PSMD1: variants seen among roughly 807,000 people sequenced by gnomAD.
PSMD1 encodes the protein 26S proteasome non-ATPase regulatory subunit 1.
PSMD1 carries 18 observed loss-of-function variants against 119.0 expected under a neutral mutation model. The observed-to-expected ratio is 0.15, with a 90% CI of 0.10 to 0.22. The LOEUF is 0.22. Among genes scored for constraint, PSMD1 ranks in the 10% least tolerant of loss-of-function variants. The pLI is 1.00. For synonymous variants in PSMD1, 374 were observed against 396.6 expected (o/e 0.94, Z 0.68); for missense variants, 702 against 1,158.5 (o/e 0.61, Z 5.72).
At chr2:231,073,141 GA>G (rs1338017419) in intron 7 of PSMD1, among the ~76,000 whole-genome samples, 2 of 152,150 alleles carry the variant, frequency 1.3e-5, no homozygotes, top group East Asian at 3.8e-4. Context: ...GGAGCAGTCA[GA>G]ACACACACAT....
rs566649634 is a variant in PSMD1 at position 231,085,021 on chromosome 2, C to T, written c.1725C>T (p.Asp575=). ...ALIESLCRDK[D]PILRRSGMYT... ...TAATGTTAAATTATTTTTCTTAGGA[C>T]CCAATTCTTCGAAGGTCTGGAATGT... Residue 575 remains aspartate, a splice_region_variant and synonymous_variant, in exon 15 of 25, where the codon GAC becomes GAT. Coordinates refer to ENST00000308696, the MANE Select transcript of PSMD1 (RefSeq NM_002807.4). 12 of 1,611,708 alleles carry T rather than the reference C, an allele frequency of 7.4e-6. No individual in the cohort carries two copies. Among genetic ancestry groups the T allele is most frequent in the African/African-American group, 5.3e-5 (4 of 74,980 alleles).
At chr2:231,137,063 AT>A (rs1049195796) in intron 16 of PSMD1, among the ~76,000 whole-genome samples, 22 of 144,808 alleles carry the variant, frequency 1.5e-4, no homozygotes, top group Admixed American at 4.2e-4. Context: ...AAATATATAT[AT>A]TTTTATGTAT....
intron 16 of PSMD1, among the ~76,000 whole-genome samples, chr2:231,114,607 A>G (rs1367845192): frequency 6.6e-6 from 1 of 152,228 alleles, no homozygotes; most frequent in Admixed American, 6.5e-5. Flanking sequence ...ATTAGTACAG[A>G]CTTTTGATTT....
chr2:231,095,260 C>G lies in PSMD1; in HGVS notation c.1883+8079C>G, dbSNP rs963638361. 2.0e-5 allele frequency among the ~76,000 whole-genome samples: 3 copies of G among 152,094 alleles called. 1 individual carries two copies. The highest frequency in any genetic ancestry group is 1.5e-5 in the Non-Finnish European group (1 of 68,026). ...ATCAGTAGTCATGCCCAAGGTGGGA[C>G]GAAGCCAATTAATATTGCCCAATAA... is the stretch of plus-strand genomic sequence containing the variant. On this transcript the variant is annotated intron_variant, in intron 16 of 24. Coordinates refer to ENST00000308696, the MANE Select transcript of PSMD1 (RefSeq NM_002807.4).
At position 231,138,910 on chromosome 2, in the gene PSMD1, G is replaced by T. The variant is rs77773034; in HGVS notation, c.1998+60G>T. 8 of 1,254,334 alleles carry T rather than the reference G, an allele frequency of 6.4e-6. No individual in the cohort carries two copies. In the African/African-American group the frequency reaches 8.8e-5, roughly 14 times the overall value. The allele number at this position is 1,254,334 out of a possible 1,614,324, so 77.7% of individuals were successfully genotyped here. A position where few individuals can be genotyped will look rare whatever the true frequency, so the allele number is the denominator to read the frequency against. On this transcript the variant is annotated intron_variant, in intron 17 of 24. Coordinates refer to ENST00000308696, the MANE Select transcript of PSMD1 (RefSeq NM_002807.4). ...TGGCGCCAGACTGTTTTCCCTCGCC[G>T]CAGAATTTATGTAACAGCTGTAAAA...
chr2:231,114,554 C>T (rs1695267117), intron 16 of PSMD1, among the ~76,000 whole-genome samples: 1 of 152,040 alleles, frequency 6.6e-6, no homozygotes, highest in Non-Finnish European at 1.5e-5. Context: ...ATTGTTTCCC[C>T]TTCTATATTT....
At position 231,161,518 on chromosome 2, in the gene PSMD1, G is replaced by C. The variant is rs1323925704; in HGVS notation, c.2388+9G>C. On this transcript the variant is annotated intron_variant, in intron 20 of 24. Transcript: ENST00000308696. ...TTAACAAGGACTTAAAGGTATGTCT[G>C]TGAGACCTCAGCTTTGTAGTATTTC... 2 of 1,608,460 alleles carry C rather than the reference G, an allele frequency of 1.2e-6. No homozygotes were observed. The highest frequency in any genetic ancestry group is 2.2e-5 in the South Asian group (2 of 90,562).
At chr2:231,085,619 A>G (rs1694413103) in intron 15 of PSMD1, among the ~76,000 whole-genome samples, 1 of 152,204 alleles carries the variant, frequency 6.6e-6, no homozygotes, top group African/African-American at 2.4e-5. Flanking sequence ...GCAAGACCCT[A>G]TCTCTAAAAA....
chr2:231,109,389 T>C, intron 16 of PSMD1: 1 of 1,614,066 alleles, frequency 6.2e-7, no homozygotes, highest in Non-Finnish European at 8.5e-7. Flanking sequence ...ATCCCTTTAA[T>C]AGGGACTGGA....
At position 231,068,646 on chromosome 2, in the gene PSMD1, T is replaced by A. The variant is rs116319824; in HGVS notation, c.511-1379T>A. 5.1e-3 allele frequency among the ~76,000 whole-genome samples: 784 copies of A among 152,346 alleles called. 6 individuals carry two copies. The highest frequency in any genetic ancestry group is 0.017 in the African/African-American group (720 of 41,582). ...CCATCTCTTTCCATCCCGCATGGGA[T>A]GTGAATCATCCTAGTAGATCTATGC... On this transcript the variant is annotated intron_variant, in intron 5 of 24. Transcript: ENST00000308696.
Position 231,153,639 on chromosome 2 carries a change from A to G in PSMD1, c.2191A>G (p.Ile731Val), listed in dbSNP as rs189389369. 27 of 1,613,162 alleles carry G rather than the reference A, an allele frequency of 1.7e-5. No homozygotes were observed. The highest frequency in any genetic ancestry group is 1.6e-4 in the Middle Eastern group (1 of 6,062). The part of the protein sequence containing the change: ...HDDVMAKFGA[I>V]LAQGILDAGG... ...TGATGTCATGGCCAAGTTTGGCGCT[A>G]TTCTGGCCCAGGGCATACTGGATGC... Residue 731 changes from isoleucine to valine, a missense_variant, in exon 19 of 25, where the codon ATT becomes GTT. Physicochemically the swap from Ile to Val is conservative, Grantham distance 29. Transcript: ENST00000308696.
Position 231,161,443 on chromosome 2 carries a change from T to C in PSMD1, c.2322T>C (p.Pro774=). 1.2e-6 allele frequency: 2 copies of C among 1,614,124 alleles called. No individual in the cohort carries two copies. The highest frequency in any genetic ancestry group is 8.5e-7 in the Non-Finnish European group (1 of 1,179,984). Residue 774 remains proline, a synonymous_variant, in exon 20 of 25, where the codon CCT becomes CCC. Transcript: ENST00000308696. Reference sequence around the variant, plus strand: ...TTACCCAGTTTTGGTTCTGGTTTCCTCTTTCACACTTCCTGTCATTGGCTT... The same window carrying C: ...TTACCCAGTTTTGGTTCTGGTTTCCCCTTTCACACTTCCTGTCATTGGCTT... ...LVFTQFWFWF[P]LSHFLSLAYT... is the part of the protein sequence containing the mutation.
rs146980516 is a variant in PSMD1, at chr2:231,068,102, T to C, written c.510+991T>C. 6.2e-3 allele frequency among the ~76,000 whole-genome samples: 946 copies of C among 152,322 alleles called. 5 individuals carry two copies. The highest frequency in any genetic ancestry group is 0.014 in the Middle Eastern group (4 of 294). ...AGGTCCAGTTCTGTTGTTAATCTTA[T>C]GGAGCCCTGTACATTTTTTCATGGT... is the stretch of plus-strand genomic sequence containing the variant. On this transcript the variant is annotated intron_variant, in intron 5 of 24. Transcript: ENST00000308696.
chr2:231,113,667 C>G, intron 16 of PSMD1: 4 of 1,449,770 alleles, frequency 2.8e-6, no homozygotes, highest in Non-Finnish European at 3.9e-6. Flanking sequence ...ACCTGGTATT[C>G]TCCTAGCCAA....
intron 9 of PSMD1, 106 bp downstream of exon 9, chr2:231,077,268 C>A: frequency 2.3e-6 from 2 of 874,988 alleles, no homozygotes; most frequent in Non-Finnish European, 3.2e-6. Flanking sequence ...ATTTTATTTC[C>A]AATTAAGGAA....
intron 16 of PSMD1, chr2:231,114,029 C>T (rs527355157): frequency 1.1e-6 from 1 of 899,612 alleles, no homozygotes; most frequent in South Asian, 1.4e-5. Context: ...TTTTGTTACT[C>T]ATCTGAAATT....
intron 19 of PSMD1, among the ~76,000 whole-genome samples, chr2:231,155,538 G>C (rs1293900013): frequency 6.6e-6 from 1 of 150,676 alleles, no homozygotes; most frequent in African/African-American, 2.4e-5. Flanking sequence ...TTTCTAATTT[G>C]ATTAATCCTT....
At chr2:231,142,001 G>A (rs1574766135) in intron 17 of PSMD1, among the ~76,000 whole-genome samples, 1 of 152,094 alleles carries the variant, frequency 6.6e-6, no homozygotes, top group African/African-American at 2.4e-5. Context: ...TCCTGCCTCA[G>A]CTTCCTGAGT....
chr2:231,113,673 G>C, intron 16 of PSMD1: 1 of 1,492,550 alleles, frequency 6.7e-7, no homozygotes, highest in Non-Finnish European at 9.3e-7. Context: ...TATTCTCCTA[G>C]CCAAGTGGAA....
Sources: allele counts gnomAD v4.1 joint callset (sites outside exome capture counted in the v4.1 genomes callset), GRCh38; gene constraint gnomAD v4.1.1; transcripts MANE v1.5; gene names NCBI Gene and HGNC (gene_info 2026-07-23, HGNC 2026-07-21).